Variants in CCSER1 observed in about 807,000 individuals in gnomAD.
The protein encoded by CCSER1 is serine-rich coiled-coil domain-containing protein 1.
Under a neutral mutation model 82.0 loss-of-function variants are expected in CCSER1, and 41 were observed. The ratio of observed to expected loss-of-function variants is 0.50; its 90% CI spans 0.39 to 0.65. The LOEUF is 0.65. Among genes scored for constraint, CCSER1 ranks in the 30% least tolerant of loss-of-function variants. The pLI, the probability that CCSER1 is intolerant of heterozygous loss-of-function variation, is 0.00. For synonymous variants in CCSER1, 414 were observed against 383.9 expected (o/e 1.08, Z -0.92); for missense variants, 1,119 against 1,064.2 (o/e 1.05, Z -0.72).
chr4:91,143,467 T>A (rs1729237107), intron 10 of CCSER1, among the ~76,000 whole-genome samples: 1 of 152,142 alleles, frequency 6.6e-6, no homozygotes, highest in Admixed American at 6.6e-5. Flanking sequence ...GTATGCTTTT[T>A]ATTTATTTAT....
chr4:90,814,444 TC>T (rs1192867877), intron 7 of CCSER1, among the ~76,000 whole-genome samples: 1 of 152,206 alleles, frequency 6.6e-6, no homozygotes, highest in African/African-American at 2.4e-5. Flanking sequence ...TCTGCAGTCA[TC>T]TTGAATTTTT....
rs556051817 is a variant in CCSER1, at chr4:90,657,292, A to G, written c.1932+29060A>G. On this transcript the variant is annotated intron_variant, in intron 6 of 10. Transcript: ENST00000509176. Reference sequence around the variant, plus strand: ...CATTTTCTGGCTTTATTCAAAAGAGATTTTGTTTTTTGGAAGCTGATGTGT... The same window carrying G: ...CATTTTCTGGCTTTATTCAAAAGAGGTTTTGTTTTTTGGAAGCTGATGTGT... Among the ~76,000 whole-genome samples, 94 of 151,966 alleles carry G rather than the reference A, an allele frequency of 6.2e-4. 1 individual carries two copies. Among genetic ancestry groups the G allele is most frequent in the African/African-American group, 2.0e-3 (85 of 41,472 alleles).
intron 1 of CCSER1, among the ~76,000 whole-genome samples, chr4:90,166,334 G>T (rs758575925): frequency 6.6e-6 from 1 of 151,798 alleles, no homozygotes; most frequent in Non-Finnish European, 1.5e-5. Flanking sequence ...GAGTTTATCA[G>T]GGCACAACCC....
intron 3 of CCSER1, among the ~76,000 whole-genome samples, chr4:90,397,352 G>A (rs1374488442): frequency 6.6e-6 from 1 of 152,114 alleles, no homozygotes. Flanking sequence ...AATAGCAGTG[G>A]CAGAGATTTT....
chr4:91,272,850 G>A (rs1742140689), intron 10 of CCSER1, among the ~76,000 whole-genome samples: 1 of 152,144 alleles, frequency 6.6e-6, no homozygotes, highest in African/African-American at 2.4e-5. Context: ...TTTGAATAGT[G>A]TGTGCTTTGC....
At chr4:91,279,276 C>T (rs1177007907) in intron 10 of CCSER1, among the ~76,000 whole-genome samples, 1 of 152,078 alleles carries the variant, frequency 6.6e-6, no homozygotes, top group Non-Finnish European at 1.5e-5. Flanking sequence ...ATCTGAATGT[C>T]TCAATCTCTT....
intron 10 of CCSER1, among the ~76,000 whole-genome samples, chr4:91,163,039 C>T (rs903747331): frequency 1.3e-5 from 2 of 152,120 alleles, no homozygotes; most frequent in South Asian, 2.1e-4. Flanking sequence ...GTCAATTTTA[C>T]ATATTCCCTG....
chr4:90,947,078 T>G (rs534297875), intron 9 of CCSER1, among the ~76,000 whole-genome samples: 1 of 152,152 alleles, frequency 6.6e-6, no homozygotes, highest in Admixed American at 6.6e-5. Flanking sequence ...CACCCAGAAG[T>G]GACATATAAT....
intron 5 of CCSER1, among the ~76,000 whole-genome samples, chr4:90,553,855 G>T (rs1434828513): frequency 6.6e-6 from 1 of 152,080 alleles, no homozygotes; most frequent in Non-Finnish European, 1.5e-5. Flanking sequence ...TGTGTAAAAT[G>T]ATTTCAAAGT....
chr4:90,409,402 G>A lies in CCSER1; in HGVS notation c.1603+9273G>A, dbSNP rs181740385. 2.8e-3 allele frequency among the ~76,000 whole-genome samples: 424 copies of A among 152,308 alleles called. 2 individuals carry two copies. The highest frequency in any genetic ancestry group is 9.6e-3 in the African/African-American group (399 of 41,560). Reference sequence around the variant, plus strand: ...AGAGAAAGGTCGGGTTACCCACAAAGGGAAGCCCATCAGACTAAAAGCTGA... The same window carrying A: ...AGAGAAAGGTCGGGTTACCCACAAAAGGAAGCCCATCAGACTAAAAGCTGA... On this transcript the variant is annotated intron_variant, in intron 4 of 10. Coordinates refer to ENST00000509176, the MANE Select transcript of CCSER1 (RefSeq NM_001145065.2).
intron 1 of CCSER1, among the ~76,000 whole-genome samples, chr4:90,217,834 T>A (rs1051965893): frequency 6.6e-6 from 1 of 152,086 alleles, no homozygotes; most frequent in Non-Finnish European, 1.5e-5. Context: ...CTCACTCTGT[T>A]ACCCAGGCTG....
rs536266097 is a variant in CCSER1 at position 90,645,195 on chromosome 4, C to T, written c.1932+16963C>T. 2.6e-5 allele frequency among the ~76,000 whole-genome samples: 4 copies of T among 152,112 alleles called. No homozygotes were observed. The South Asian group carries it at 8.3e-4, about 32-fold the overall frequency. ...AGTCTCTGATCAAGTTACATTGTTT[C>T]ATAGCAAATTTTGGATAGGATATCA... On this transcript the variant is annotated intron_variant, in intron 6 of 10. Coordinates refer to ENST00000509176, the MANE Select transcript of CCSER1 (RefSeq NM_001145065.2).
chr4:91,168,549 G>T (rs1023167101), intron 10 of CCSER1, among the ~76,000 whole-genome samples: 1 of 143,090 alleles, frequency 7.0e-6, no homozygotes, highest in Non-Finnish European at 1.5e-5. Context: ...GCCTCTGCCC[G>T]GCTGCCCATC....
intron 9 of CCSER1, among the ~76,000 whole-genome samples, chr4:91,046,963 T>G (rs4692960): frequency 0.91 from 137,953 of 152,088 alleles, 62,711 homozygotes; most frequent in African/African-American, 0.92. Context: ...TGATCTACCC[T>G]CCTCAGCCTC....
intron 10 of CCSER1, among the ~76,000 whole-genome samples, chr4:91,422,834 T>A (rs1753754830): frequency 6.6e-6 from 1 of 152,168 alleles, no homozygotes; most frequent in Non-Finnish European, 1.5e-5. Flanking sequence ...TAGCTCAAGT[T>A]CTATAACAGT....
chr4:91,358,385 A>T (rs1271798927), intron 10 of CCSER1, among the ~76,000 whole-genome samples: 2 of 105,288 alleles, frequency 1.9e-5, no homozygotes, highest in African/African-American at 3.9e-5. Context: ...TTTGTGCCTG[A>T]CCCACGTTGT....
At chr4:91,382,570 G>A (rs1750987565) in intron 10 of CCSER1, among the ~76,000 whole-genome samples, 1 of 152,150 alleles carries the variant, frequency 6.6e-6, no homozygotes, top group Non-Finnish European at 1.5e-5. Flanking sequence ...GCAGTATTAG[G>A]GTGAGAGTGA....
chr4:91,206,592 G>A (rs188680684), intron 10 of CCSER1, among the ~76,000 whole-genome samples: 25 of 152,018 alleles, frequency 1.6e-4, no homozygotes, highest in African/African-American at 4.6e-4. Context: ...GTAAAACAGT[G>A]TAAGGGGCCA....
At chr4:90,346,921 T>A (rs551873538) in intron 3 of CCSER1, among the ~76,000 whole-genome samples, 79 of 152,248 alleles carry the variant, frequency 5.2e-4, no homozygotes, top group Middle Eastern at 3.4e-3. Flanking sequence ...AGACAACATA[T>A]TTACTTTCAG....
Sources: allele counts gnomAD v4.1 joint callset (sites outside exome capture counted in the v4.1 genomes callset), GRCh38; gene constraint gnomAD v4.1.1; transcripts MANE v1.5; gene names NCBI Gene and HGNC (gene_info 2026-07-23, HGNC 2026-07-21).